STXBP4: variants seen among roughly 807,000 people sequenced by gnomAD.
STXBP4 encodes syntaxin-binding protein 4.
Under a neutral mutation model 76.1 loss-of-function variants are expected in STXBP4, and 55 were observed. The ratio of observed to expected loss-of-function variants is 0.72; its 90% CI spans 0.58 to 0.91. The LOEUF (loss-of-function observed/expected upper bound fraction) is 0.91, where lower values mean the gene tolerates loss of function less well. Ranked by LOEUF, STXBP4 falls within the 40% of genes least tolerant of loss-of-function variation. The pLI is 0.00. For synonymous variants in STXBP4, 201 were observed against 220.2 expected, an observed-to-expected ratio of 0.91 and a Z score of 0.77; for missense variants, 618 against 636.9, an observed-to-expected ratio of 0.97 and a Z score of 0.32.
chr17:55,209,174 A>T, the STXBP4 span, among the ~76,000 whole-genome samples: 3 of 152,174 alleles, frequency 2.0e-5, no homozygotes, highest in South Asian at 4.1e-4. Flanking sequence ...GAGTCTGAAG[A>T]TTAAAAAAAA....
At chr17:55,050,692 A>G (rs915823297) in intron 12 of STXBP4, among the ~76,000 whole-genome samples, 5 of 152,152 alleles carry the variant, frequency 3.3e-5, no homozygotes, top group African/African-American at 1.2e-4. Context: ...TTTGTTTTAG[A>G]CAAAGTCTTG....
intron 8 of STXBP4, among the ~76,000 whole-genome samples, chr17:55,014,311 T>A (rs1386514645): frequency 6.6e-6 from 1 of 152,168 alleles, no homozygotes; most frequent in Non-Finnish European, 1.5e-5. Flanking sequence ...CAAACGGGTG[T>A]TCCTTCTCCT....
intron 16 of STXBP4, among the ~76,000 whole-genome samples, chr17:55,081,815 A>G (rs773308933): frequency 4.6e-5 from 7 of 152,194 alleles, no homozygotes; most frequent in Admixed American, 1.3e-4. Flanking sequence ...AGATACCCCT[A>G]GAGTCATCAT....
Position 55,173,529 on chromosome 17 carries a change from A to G in STXBP4, c.*13618A>G, listed in dbSNP as rs2080417597. On this transcript the variant is annotated 3_prime_UTR_variant, in exon 18 of 18. Coordinates refer to ENST00000376352, the MANE Select transcript of STXBP4 (RefSeq NM_178509.6). ...TGTTTTTATTACTGGGTTATAGTTCATTGTATGGATATACCACAGTTTCTT... is the reference window on the plus strand; with the variant it reads ...TGTTTTTATTACTGGGTTATAGTTCGTTGTATGGATATACCACAGTTTCTT... 1 of 152,178 alleles carries G rather than the reference A, an allele frequency of 6.6e-6. No individual in the cohort carries two copies. The highest frequency in any genetic ancestry group is 1.5e-5 in the Non-Finnish European group (1 of 68,026). The allele number at this position is 152,178 out of a possible 1,614,324, so 9.4% of individuals were successfully genotyped here.
At chr17:55,045,138 T>TGTTA (rs1253043472) in intron 11 of STXBP4, among the ~76,000 whole-genome samples, 1 of 152,168 alleles carries the variant, frequency 6.6e-6, no homozygotes, top group African/African-American at 2.4e-5. Context: ...ATTTTGCATA[T>TGTTA]GTTACCATAT....
rs188056560 is a variant in STXBP4 at position 55,147,015 on chromosome 17, C to G, written c.1547+5648C>G. Among the ~76,000 whole-genome samples, 84 of 152,284 alleles carry G rather than the reference C, an allele frequency of 5.5e-4. No individual in the cohort carries two copies. In the East Asian group the frequency reaches 0.014, roughly 26 times the overall value. ...AGGCGCCTACCTAAAAGTATGAATT[C>G]CAGAAGGTAGGGATCATTGGGAACC... On this transcript the variant is annotated intron_variant, in intron 17 of 17. Transcript: ENST00000376352.
rs187994957 is a variant in STXBP4, at chr17:55,014,446, G to A, written c.666+6849G>A. ...AAAATTCCCTAGTTACAACTTAGTG[G>A]CTGGGAGAAGTATCTAGTGACTGGC... is the stretch of plus-strand genomic sequence containing the variant. On this transcript the variant is annotated intron_variant, in intron 8 of 17. Transcript: ENST00000376352. Among the ~76,000 whole-genome samples the A allele has an allele frequency of 5.9e-5, 9 of 152,266 alleles. No homozygotes were observed. The East Asian group carries it at 1.7e-3, about 29-fold the overall frequency.
At chr17:55,099,197 G>T (rs1021100040) in intron 16 of STXBP4, among the ~76,000 whole-genome samples, 5 of 152,112 alleles carry the variant, frequency 3.3e-5, no homozygotes, top group African/African-American at 4.8e-5. Flanking sequence ...TTTTTGGAGC[G>T]CAGTCTAACT....
chr17:55,093,144 T>C (rs1012250342), intron 16 of STXBP4, among the ~76,000 whole-genome samples: 6 of 151,922 alleles, frequency 3.9e-5, no homozygotes, highest in African/African-American at 1.5e-4. Flanking sequence ...ACAGGTGTAC[T>C]CCACCATGCC....
At chr17:55,075,325 ATT>A (rs2079168377) in intron 13 of STXBP4, among the ~76,000 whole-genome samples, 2 of 151,924 alleles carry the variant, frequency 1.3e-5, no homozygotes, top group Admixed American at 1.3e-4. Context: ...TTCACTCGAC[ATT>A]TTGTTTTTGC....
intron 16 of STXBP4, among the ~76,000 whole-genome samples, chr17:55,104,466 G>C (rs1192290592): frequency 2.0e-5 from 3 of 152,158 alleles, no homozygotes; most frequent in African/African-American, 4.8e-5. Context: ...TTGCATCCCA[G>C]GGATGAAGCT....
At chr17:55,094,165 GAA>G (rs34886189) in intron 16 of STXBP4, among the ~76,000 whole-genome samples, 10 of 108,216 alleles carry the variant, frequency 9.2e-5, no homozygotes, top group African/African-American at 1.0e-4. Flanking sequence ...TGAGGGACAG[GAA>G]AAAAAAAAAA....
chr17:55,189,705 T>C, the STXBP4 span, among the ~76,000 whole-genome samples: 3 of 152,226 alleles, frequency 2.0e-5, no homozygotes, highest in Non-Finnish European at 4.4e-5. Context: ...ATTGGCCAGT[T>C]CTGTGGCCCT....
At chr17:55,100,537 A>G (rs901864407) in intron 16 of STXBP4, among the ~76,000 whole-genome samples, 1 of 152,232 alleles carries the variant, frequency 6.6e-6, no homozygotes, top group Non-Finnish European at 1.5e-5. Flanking sequence ...ACTTTTACAC[A>G]TAGTGTTAGG....
At chr17:55,176,191 G>A (rs1352579824), downstream of STXBP4, among the ~76,000 whole-genome samples, 1 of 152,218 alleles carries the variant, frequency 6.6e-6, no homozygotes, top group Non-Finnish European at 1.5e-5. Flanking sequence ...CCAGTCAAGT[G>A]AAGCAGAGAA....
intron 10 of STXBP4, among the ~76,000 whole-genome samples, chr17:55,035,587 C>T (rs188798136): frequency 1.1e-4 from 16 of 151,916 alleles, no homozygotes; most frequent in Admixed American, 9.8e-4. Context: ...TAAGGCTTTA[C>T]AAATTAAAAT....
Position 55,052,947 on chromosome 17 carries a change from GTGT to G in STXBP4, c.1011+5794_1011+5796del, listed in dbSNP as rs1226355454. Among the ~76,000 whole-genome samples the G allele has an allele frequency of 4.2e-4, 59 of 142,066 alleles. 1 individual carries two copies. The highest frequency in any genetic ancestry group is 6.1e-4 in the Non-Finnish European group (40 of 65,888). The allele number at this position is 142,066 out of a possible 152,430, so 93.2% of individuals were successfully genotyped here. A position where few individuals can be genotyped will look rare whatever the true frequency, so the allele number is the denominator to read the frequency against. On this transcript the variant is annotated intron_variant, in intron 12 of 17. Coordinates refer to ENST00000376352, the MANE Select transcript of STXBP4 (RefSeq NM_178509.6). ...TGTGTGTGTGTGTGTGTGTGTGTGT[GTGT>G]GGGTTGTATTCTTTAGAAATGTCAA...
intron 4 of STXBP4, among the ~76,000 whole-genome samples, chr17:54,998,770 G>A (rs1284334756): frequency 6.6e-6 from 1 of 152,094 alleles, no homozygotes; most frequent in African/African-American, 2.4e-5. Context: ...AAGATTGCTT[G>A]AGCCCAGGAG....
intron 8 of STXBP4, among the ~76,000 whole-genome samples, chr17:55,024,335 G>A (rs2078374374): frequency 6.6e-6 from 1 of 152,254 alleles, no homozygotes; most frequent in South Asian, 2.1e-4. Flanking sequence ...GTAGTAGTCA[G>A]AGCTTTTCAG....
Sources: gnomAD v4.1 joint callset for allele counts (sites outside exome capture counted in the v4.1 genomes callset) on GRCh38, gnomAD v4.1.1 for gene constraint, MANE v1.5 for transcripts, NCBI Gene and HGNC (gene_info 2026-07-23, HGNC 2026-07-21) for gene names.